Variants in USB1 observed in about 807,000 individuals in gnomAD.
USB1 encodes U6 snRNA biogenesis phosphodiesterase 1, also known as U6 snRNA phosphodiesterase 1.
USB1 carries 21 observed loss-of-function variants against 29.9 expected under a neutral mutation model. The ratio of observed to expected loss-of-function variants is 0.70; its 90% CI spans 0.50 to 1.01. The LOEUF (loss-of-function observed/expected upper bound fraction) is 1.01, where lower values mean the gene tolerates loss of function less well. Ranked by LOEUF, USB1 falls within the 50% of genes least tolerant of loss-of-function variation. USB1 has a pLI of 0.00. For missense variants in USB1, 330 were observed against 347.1 expected (o/e 0.95, Z 0.39); for synonymous variants, 143 against 134.9 (o/e 1.06, Z -0.42).
Position 58,001,431 on chromosome 16 carries a change from G to A in USB1, c.-53G>A, listed in dbSNP as rs555381360. Reference sequence around the variant, plus strand: ...CGCTTCCGGCACAGCGGAACTCCGGGTGCCGGTTGAGGTTGCTGGTGGACC... The same window carrying A: ...CGCTTCCGGCACAGCGGAACTCCGGATGCCGGTTGAGGTTGCTGGTGGACC... On this transcript the variant is annotated 5_prime_UTR_variant, in exon 1 of 7. The change creates a new upstream start codon in the 5' untranslated region. Transcript: ENST00000219281. 3.9e-6 allele frequency: 6 copies of A among 1,555,028 alleles called. No homozygotes were observed. Among genetic ancestry groups the A allele is most frequent in the Admixed American group, 1.9e-5 (1 of 51,940 alleles).
chr16:58,019,721 T>C (rs1963695440), intron 6 of USB1, among the ~76,000 whole-genome samples: 1 of 152,156 alleles, frequency 6.6e-6, no homozygotes, highest in African/African-American at 2.4e-5. Context: ...ATCTGTCAGT[T>C]TTCAAATGTC....
chr16:58,013,950 C>A lies in USB1; in HGVS notation c.450-323C>A. 6.3e-6 allele frequency: 2 copies of A among 317,354 alleles called. No individual in the cohort carries two copies. The highest frequency in any genetic ancestry group is 1.2e-5 in the Non-Finnish European group (2 of 167,474). 19.7% of individuals were successfully genotyped at this position (317,354 alleles called of 1,614,324 possible). On this transcript the variant is annotated intron_variant, in intron 3 of 6. Transcript: ENST00000219281. This position sits in a 1 kb window ranked among gnomAD's most constrained non-coding sequence, Gnocchi z 4.3. ...CAGCTGTTAAGTGGTCCATTATCAC[C>A]TACTTGATCAATAAGGCTTTCTCAG...
intron 2 of USB1, among the ~76,000 whole-genome samples, chr16:58,006,372 A>C (rs1222869297): frequency 1.1e-4 from 17 of 149,520 alleles, no homozygotes; most frequent in Non-Finnish European, 2.2e-4. Flanking sequence ...AAAAAACAAA[A>C]AAAAAAAACG....
At position 58,002,571 on chromosome 16, in the gene USB1, G is replaced by C. The variant is rs959139515; in HGVS notation, c.191G>C (p.Ser64Thr). ...ACCGAGGAGGGGCCTGAAGATGACAGCACAAAACACGGGGGACGGGTGCGC... is the reference window on the plus strand; with the variant it reads ...ACCGAGGAGGGGCCTGAAGATGACACCACAAAACACGGGGGACGGGTGCGC... ...PGTEEGPEDD[S>T]TKHGGRVRTF... The change falls in exon 2 of 7, where the codon AGC (serine) becomes ACC (threonine). Residue 64 changes from serine (S) to threonine (T), a missense_variant. Ser to Thr is a moderately conservative substitution (Grantham distance 58, BLOSUM62 1). Transcript: ENST00000219281. The C allele has an allele frequency of 1.2e-6, 2 of 1,613,996 alleles. No individual in the cohort carries two copies. Among genetic ancestry groups the C allele is most frequent in the Non-Finnish European group, 8.5e-7 (1 of 1,180,038 alleles).
At chr16:58,000,162 C>T (rs980226352), upstream of USB1, among the ~76,000 whole-genome samples, 4 of 152,166 alleles carry the variant, frequency 2.6e-5, no homozygotes, top group Non-Finnish European at 4.4e-5. This position sits in a 1 kb window ranked among gnomAD's most constrained non-coding sequence, Gnocchi z 4.5. Flanking sequence ...CGGGATGGCC[C>T]GGCCGCTGCG....
chr16:58,014,196 GT>G (rs533588176), intron 3 of USB1, 76 bp from the exon 4 acceptor site: 353 of 1,192,792 alleles, frequency 3.0e-4, no homozygotes, highest in Middle Eastern at 5.8e-4. Flanking sequence ...TCAAAGTGCT[GT>G]TTTTTTTTAA....
chr16:58,002,739 C>G, intron 2 of USB1, 94 bp downstream of exon 2: 10 of 1,539,022 alleles, frequency 6.5e-6, no homozygotes, highest in Non-Finnish European at 8.0e-6. Flanking sequence ...AGGAAGAAAC[C>G]AGAAACCTCT....
In USB1 at chr16:58,020,450, C is replaced by G; in HGVS notation, c.*205C>G. Reference sequence around the variant, plus strand: ...TCTCTTCCTCTTCTTTCTCTCTCTTCTCCTCTCTTTCTCTCCTCTGTCTCT... The same window carrying G: ...TCTCTTCCTCTTCTTTCTCTCTCTTGTCCTCTCTTTCTCTCCTCTGTCTCT... On this transcript the variant is annotated 3_prime_UTR_variant, in exon 7 of 7. Coordinates refer to ENST00000219281, the MANE Select transcript of USB1 (RefSeq NM_024598.4). 1.6e-6 allele frequency: 1 copy of G among 619,112 alleles called. No homozygotes were observed. The highest frequency in any genetic ancestry group is 2.8e-5 in the East Asian group (1 of 35,862). 38.4% of individuals were successfully genotyped at this position (619,112 alleles called of 1,614,324 possible). A position where few individuals can be genotyped will look rare whatever the true frequency, so the allele number is the denominator to read the frequency against.
intron 3 of USB1, chr16:58,012,159 C>G: frequency 7.0e-7 from 1 of 1,429,280 alleles, no homozygotes; most frequent in South Asian, 1.5e-5. Flanking sequence ...TAGCTGAACC[C>G]CTTCTGAGGG....
intron 2 of USB1, among the ~76,000 whole-genome samples, 198 bp downstream of exon 2, chr16:58,002,843 C>T (rs1963262040): frequency 6.6e-6 from 1 of 152,154 alleles, no homozygotes; most frequent in South Asian, 2.1e-4. Context: ...GAATTCGTAG[C>T]CTAAAATGTG....
At chr16:58,006,886 C>T (rs377262565) in intron 2 of USB1, among the ~76,000 whole-genome samples, 10 of 152,290 alleles carry the variant, frequency 6.6e-5, no homozygotes, top group African/African-American at 2.4e-4. Context: ...TAACAAAGTT[C>T]CCCTCTATTC....
intron 2 of USB1, 43 bp downstream of exon 2, chr16:58,002,688 C>T (rs774911514): frequency 8.1e-6 from 13 of 1,612,262 alleles, no homozygotes; most frequent in South Asian, 5.5e-5. Context: ...CCCATAGACC[C>T]GTAGGTGCCT....
chr16:58,019,113 T>G, intron 6 of USB1, 58 bp downstream of exon 6: 2 of 1,573,092 alleles, frequency 1.3e-6, no homozygotes, highest in African/African-American at 1.3e-5. Context: ...ACAGGACAGA[T>G]GCTGGAGAGG....
At chr16:58,019,998 C>A in intron 6 of USB1, 143 bp from the exon 7 acceptor site, 1 of 753,306 alleles carries the variant, frequency 1.3e-6, no homozygotes, top group Non-Finnish European at 2.3e-6. Flanking sequence ...AGTGATCAGA[C>A]AAGATCACCA....
At chr16:58,014,226 C>T in intron 3 of USB1, 47 bp from the exon 4 acceptor site, 6 of 1,515,588 alleles carry the variant, frequency 4.0e-6, no homozygotes, top group Admixed American at 1.7e-5. Flanking sequence ...ATTTTTTCTG[C>T]TTTTTTTCTT....
rs942017373 is a variant in USB1 at position 58,004,970 on chromosome 16, C to G, written c.265+2325C>G. Reference sequence around the variant, plus strand: ...TCAGGGTAAGGAGTGTGAGCCATCTCCAATGATTGACAAGGTTACGTGAGT... The same window carrying G: ...TCAGGGTAAGGAGTGTGAGCCATCTGCAATGATTGACAAGGTTACGTGAGT... On this transcript the variant is annotated intron_variant, in intron 2 of 6. Transcript: ENST00000219281. Among the ~76,000 whole-genome samples the G allele has an allele frequency of 2.0e-5, 3 of 152,288 alleles. No individual in the cohort carries two copies. In the East Asian group the frequency reaches 5.8e-4, roughly 29 times the overall value.
At position 58,021,609 on chromosome 16, in the gene USB1, T is replaced by G. The variant is rs1238139512; in HGVS notation, c.*1364T>G. 6.6e-6 allele frequency: 1 copy of G among 152,258 alleles called. No individual in the cohort carries two copies. The highest frequency in any genetic ancestry group is 1.5e-5 in the Non-Finnish European group (1 of 68,044). The allele number at this position is 152,258 out of a possible 1,614,324, so 9.4% of individuals were successfully genotyped here. A position where few individuals can be genotyped will look rare whatever the true frequency, so the allele number is the denominator to read the frequency against. The stretch of plus-strand genomic sequence containing the variant: ...GTTCAACAAATAAAAATTGCATTTT[T>G]TATTTTGGATCTTTTTTGGACTACT... On this transcript the variant is annotated 3_prime_UTR_variant, in exon 7 of 7. Coordinates refer to ENST00000219281, the MANE Select transcript of USB1 (RefSeq NM_024598.4).
chr16:58,007,159 A>G (rs1386231324), intron 2 of USB1, among the ~76,000 whole-genome samples: 1 of 152,192 alleles, frequency 6.6e-6, no homozygotes, highest in Non-Finnish European at 1.5e-5. Flanking sequence ...CATGAGAGAT[A>G]TGGGTCTGTA....
In USB1 at chr16:58,012,882, A is replaced by G. The variant is rs1344377886; in HGVS notation, c.450-1391A>G. On this transcript the variant is annotated intron_variant, in intron 3 of 6. Transcript: ENST00000219281. ...AACTGGGCACGAGTCCCTTGCTGGG[A>G]CTTAGGAAAACTCTGCCTAAAGTCC... 3 of 986,780 alleles carry G rather than the reference A, an allele frequency of 3.0e-6. No individual in the cohort carries two copies. In the African/African-American group the frequency reaches 5.2e-5, roughly 17 times the overall value. 61.1% of individuals were successfully genotyped at this position (986,780 alleles called of 1,614,324 possible).
Sources: allele counts gnomAD v4.1 joint callset (sites outside exome capture counted in the v4.1 genomes callset), GRCh38; gene constraint gnomAD v4.1.1; non-coding constraint Gnocchi (gnomAD v3.1); transcripts MANE v1.5; gene names NCBI Gene and HGNC (gene_info 2026-07-23, HGNC 2026-07-21).